CALN1: variants seen among roughly 807,000 people sequenced by gnomAD.
The protein encoded by CALN1 is calcium-binding protein 8.
CALN1 carries 17 observed loss-of-function variants against 30.6 expected under a neutral mutation model. That is an observed-to-expected ratio of 0.56 (90% CI 0.38 to 0.83). CALN1 has a LOEUF of 0.83. Among genes scored for constraint, CALN1 ranks in the 40% least tolerant of loss-of-function variants. CALN1 has a pLI of 0.00. For synonymous variants in CALN1, 156 were observed against 131.4 expected (o/e 1.19, Z -1.28); for missense variants, 291 against 354.9 (o/e 0.82, Z 1.45).
At chr7:72,161,871 G>T (rs1377323963) in intron 3 of CALN1, among the ~76,000 whole-genome samples, 1 of 151,852 alleles carries the variant, frequency 6.6e-6, no homozygotes, top group African/African-American at 2.4e-5. Flanking sequence ...GCTCACCTAC[G>T]TAACAAACCT....
the CALN1 span, among the ~76,000 whole-genome samples, chr7:72,458,190 TA>T: frequency 2.1e-4 from 26 of 124,336 alleles, no homozygotes; most frequent in South Asian, 2.2e-4. Context: ...ATATTTAATA[TA>T]TTATAATATA....
intron 5 of CALN1, among the ~76,000 whole-genome samples, chr7:71,902,572 A>G (rs938637628): frequency 6.6e-6 from 1 of 152,210 alleles, no homozygotes. Context: ...TATGGAAAAC[A>G]GTATGGAGAT....
chr7:72,249,638 C>CA (rs1562794405), intron 3 of CALN1, among the ~76,000 whole-genome samples: 1 of 152,024 alleles, frequency 6.6e-6, no homozygotes, highest in Non-Finnish European at 1.5e-5. Flanking sequence ...CCTGTCTCTA[C>CA]AAAAAATACA....
intron 4 of CALN1, among the ~76,000 whole-genome samples, chr7:72,047,980 AAC>A: frequency 6.6e-6 from 1 of 152,142 alleles, no homozygotes; most frequent in Non-Finnish European, 1.5e-5. Context: ...ATAAGCATCT[AAC>A]ACAGTGTGGG....
intron 2 of CALN1, among the ~76,000 whole-genome samples, chr7:72,380,322 A>G (rs1443918438): frequency 2.0e-5 from 3 of 152,200 alleles, no homozygotes; most frequent in Non-Finnish European, 4.4e-5. Flanking sequence ...TTCTCAAAGA[A>G]AGAGCCTATT....
chr7:71,942,152 C>G (rs1796165870), intron 5 of CALN1: 1 of 155,868 alleles, frequency 6.4e-6, no homozygotes, highest in Non-Finnish European at 1.4e-5. Context: ...GAGCCCAGAT[C>G]ACATCATTGC....
chr7:72,487,746 G>A, the CALN1 span, among the ~76,000 whole-genome samples: 170 of 90,054 alleles, frequency 1.9e-3, no homozygotes, highest in East Asian at 0.019. Flanking sequence ...AGGAAGGAAG[G>A]AAGGAAGGAA....
intron 5 of CALN1, among the ~76,000 whole-genome samples, chr7:71,829,622 C>T (rs968504810): frequency 2.0e-5 from 3 of 152,152 alleles, no homozygotes; most frequent in Non-Finnish European, 2.9e-5. Flanking sequence ...TTGCTAGTGG[C>T]GGCCACACAG....
rs542143650 is a variant in CALN1 at position 72,394,948 on chromosome 7, G to A, written c.119+8303C>T. On this transcript the variant is annotated intron_variant, in intron 2 of 6. Transcript: ENST00000395275. ...GCTGGGATTACAGGCATGAGCCATCGTGCCCAGCCTACATTCTATTCTTGT... is the reference window on the plus strand; with the variant it reads ...GCTGGGATTACAGGCATGAGCCATCATGCCCAGCCTACATTCTATTCTTGT... 9.2e-5 allele frequency among the ~76,000 whole-genome samples: 14 copies of A among 152,188 alleles called. No homozygotes were observed. The South Asian group carries it at 1.9e-3, about 20-fold the overall frequency.
intron 3 of CALN1, among the ~76,000 whole-genome samples, chr7:72,138,265 T>C (rs190740305): frequency 6.6e-6 from 1 of 152,228 alleles, no homozygotes; most frequent in East Asian, 1.9e-4. Context: ...TAATTCTAGA[T>C]GATCATGTAT....
rs139678852 is a variant in CALN1 at position 71,856,972 on chromosome 7, AAATAAT to A, written c.502-46486_502-46481del. Among the ~76,000 whole-genome samples the A allele has an allele frequency of 1.3e-3, 203 of 151,864 alleles. No individual in the cohort carries two copies. The East Asian group carries it at 0.027, about 20-fold the overall frequency. ...TTTGTCTCAAAAATAAAATAAAATG[AAATAAT>A]AATAATAACTGTAGACAACCTCATG... is the stretch of plus-strand genomic sequence containing the variant. On this transcript the variant is annotated intron_variant, in intron 5 of 6. Transcript: ENST00000395275.
intron 3 of CALN1, among the ~76,000 whole-genome samples, chr7:72,236,089 A>G (rs1794460552): frequency 6.6e-6 from 1 of 151,874 alleles, no homozygotes; most frequent in African/African-American, 2.4e-5. Flanking sequence ...CAAAAAAAAA[A>G]AAAAAAGAAA....
intron 2 of CALN1, among the ~76,000 whole-genome samples, chr7:72,400,586 A>G (rs1806274432): frequency 6.6e-6 from 1 of 152,198 alleles, no homozygotes; most frequent in African/African-American, 2.4e-5. Flanking sequence ...AGAAGGAATC[A>G]AGGCCAGGCA....
chr7:72,015,711 T>C (rs372385348), intron 5 of CALN1, among the ~76,000 whole-genome samples: 9 of 152,178 alleles, frequency 5.9e-5, no homozygotes, highest in East Asian at 1.9e-4. Flanking sequence ...CCTAAAGTGC[T>C]GGGATTATAG....
At chr7:72,391,692 T>G (rs1387302515) in intron 2 of CALN1, among the ~76,000 whole-genome samples, 1 of 152,112 alleles carries the variant, frequency 6.6e-6, no homozygotes, top group Non-Finnish European at 1.5e-5. Context: ...AAATGGGAGT[T>G]CCCCTGCACA....
intron 3 of CALN1, among the ~76,000 whole-genome samples, chr7:72,261,522 T>C (rs1796273088): frequency 6.6e-6 from 1 of 151,966 alleles, no homozygotes; most frequent in Non-Finnish European, 1.5e-5. Context: ...AGTCCTGGGC[T>C]TAAGCAATCC....
intron 5 of CALN1, among the ~76,000 whole-genome samples, chr7:71,990,814 T>C (rs1798907764): frequency 6.6e-6 from 1 of 152,100 alleles, no homozygotes; most frequent in African/African-American, 2.4e-5. Context: ...CTTACTTTAC[T>C]CTAAGGACTC....
intron 5 of CALN1, among the ~76,000 whole-genome samples, chr7:72,006,395 T>C (rs1411094129): frequency 6.6e-6 from 1 of 151,802 alleles, no homozygotes; most frequent in Non-Finnish European, 1.5e-5. Context: ...AGATGGAAAA[T>C]AAAATAGCTT....
At chr7:72,362,317 T>C (rs1022619777) in intron 2 of CALN1, among the ~76,000 whole-genome samples, 3 of 152,174 alleles carry the variant, frequency 2.0e-5, no homozygotes, top group African/African-American at 7.2e-5. Flanking sequence ...ATATAGAAGA[T>C]TTCCACCATG....
Sources: allele counts gnomAD v4.1 joint callset (sites outside exome capture counted in the v4.1 genomes callset), GRCh38; gene constraint gnomAD v4.1.1; transcripts MANE v1.5; gene names NCBI Gene and HGNC (gene_info 2026-07-23, HGNC 2026-07-21).